ITGA1: variants seen among roughly 807,000 people sequenced by gnomAD.
The protein encoded by ITGA1 is integrin alpha-1.
A neutral mutation model predicts 145.9 loss-of-function variants in ITGA1; 85 were observed. The ratio of observed to expected loss-of-function variants is 0.58; its 90% CI spans 0.49 to 0.70. The LOEUF (loss-of-function observed/expected upper bound fraction) is 0.70. Among genes scored for constraint, ITGA1 ranks in the 30% least tolerant of loss-of-function variants. The pLI, the probability that ITGA1 is intolerant of heterozygous loss-of-function variation, is 0.00. For missense variants in ITGA1, 1,351 were observed against 1,418.7 expected, an observed-to-expected ratio of 0.95 and a Z score of 0.77; for synonymous variants, 520 against 495.3, an observed-to-expected ratio of 1.05 and a Z score of -0.66.
At chr5:52,950,997 T>C (rs192416722) in intron 28 of ITGA1, among the ~76,000 whole-genome samples, 201 of 152,272 alleles carry the variant, frequency 1.3e-3, no homozygotes, top group Non-Finnish European at 2.4e-3. Flanking sequence ...GAAAAACTTA[T>C]TGTTTTCATG....
At position 52,791,260 on chromosome 5, in the gene ITGA1, G is replaced by C. The variant is rs142829772; in HGVS notation, c.61+2846G>C. Among the ~76,000 whole-genome samples the C allele has an allele frequency of 5.3e-3, 805 of 152,272 alleles. 7 individuals are homozygous for C. Among genetic ancestry groups the C allele is most frequent in the African/African-American group, 0.018 (757 of 41,564 alleles). Reference sequence around the variant, plus strand: ...GAGAGGCCTTAAAGGAACAAGAAAAGAGGGTGGAGCATCTAGCGCAAGCAA... The same window carrying C: ...GAGAGGCCTTAAAGGAACAAGAAAACAGGGTGGAGCATCTAGCGCAAGCAA... On this transcript the variant is annotated intron_variant, in intron 1 of 28. Coordinates refer to ENST00000282588, the MANE Select transcript of ITGA1 (RefSeq NM_181501.2).
At chr5:52,819,762 A>G (rs1417939949) in intron 1 of ITGA1, among the ~76,000 whole-genome samples, 9 of 152,162 alleles carry the variant, frequency 5.9e-5, no homozygotes, top group Non-Finnish European at 1.2e-4. Flanking sequence ...GTTTTCTTCT[A>G]GGGTTTTTAT....
intron 15 of ITGA1, 23 bp downstream of exon 15, chr5:52,915,617 G>A (rs1371468150): frequency 6.2e-7 from 1 of 1,612,232 alleles, no homozygotes. Context: ...ATAACATCCT[G>A]TTAATCTGAG....
chr5:52,866,409 T>C (rs1263397463), intron 6 of ITGA1, among the ~76,000 whole-genome samples: 2 of 152,220 alleles, frequency 1.3e-5, no homozygotes, highest in Non-Finnish European at 2.9e-5. Context: ...TATAAACTCA[T>C]AGTTTAATTT....
At chr5:52,825,784 G>A (rs1748951122) in intron 1 of ITGA1, among the ~76,000 whole-genome samples, 1 of 152,118 alleles carries the variant, frequency 6.6e-6, no homozygotes, top group Non-Finnish European at 1.5e-5. Context: ...TGGGCGTGGT[G>A]GCGCCTGCCT....
At position 52,909,042 on chromosome 5, in the gene ITGA1, G is replaced by A. The variant is rs200205756; in HGVS notation, c.1599+1G>A. On this transcript the variant is annotated splice_donor_variant, in intron 13 of 28. Coordinates refer to ENST00000282588, the MANE Select transcript of ITGA1 (RefSeq NM_181501.2). LOFTEE classifies it high-confidence loss of function. ...AGTGTATGTGTATGCTCTCAATCAG[G>A]TAATGGTGTCTGAGTTTGGTAGAAA... is the stretch of plus-strand genomic sequence containing the variant. The A allele has an allele frequency of 1.6e-4, 250 of 1,608,380 alleles. No individual in the cohort carries two copies. The highest frequency in any genetic ancestry group is 2.1e-4 in the Non-Finnish European group (243 of 1,178,394).
chr5:52,871,954 C>A (rs1157433268), intron 6 of ITGA1, among the ~76,000 whole-genome samples: 1 of 152,076 alleles, frequency 6.6e-6, no homozygotes. Context: ...TCCTCAATAC[C>A]TAAACATAAC....
chr5:52,920,305 A>T (rs1750711817), intron 16 of ITGA1, 27 bp from the exon 17 acceptor site: 1 of 1,535,166 alleles, frequency 6.5e-7, no homozygotes, highest in Admixed American at 2.0e-5. Flanking sequence ...AAACATTTCC[A>T]TCAATTATTT....
rs79908377 is a variant in ITGA1 at position 52,878,136 on chromosome 5, G to A, written c.625-3737G>A. Among the ~76,000 whole-genome samples the A allele has an allele frequency of 4.5e-3, 683 of 152,282 alleles. 12 individuals are homozygous for A. In the East Asian group the frequency reaches 0.056, roughly 13 times the overall value. The stretch of plus-strand genomic sequence containing the variant: ...ATTGCCTGTGGATCAGGGTGATGGG[G>A]AGCTGAGGAGGACGGGGGACTCCCA... On this transcript the variant is annotated intron_variant, in intron 6 of 28. Coordinates refer to ENST00000282588, the MANE Select transcript of ITGA1 (RefSeq NM_181501.2).
intron 12 of ITGA1, among the ~76,000 whole-genome samples, chr5:52,908,040 G>T (rs1750438929): frequency 6.6e-6 from 1 of 152,188 alleles, no homozygotes; most frequent in Non-Finnish European, 1.5e-5. Context: ...AAGAAGGATT[G>T]GTCATCTAGG....
chr5:52,916,150 T>C (rs868837712), intron 15 of ITGA1, among the ~76,000 whole-genome samples: 6 of 152,306 alleles, frequency 3.9e-5, no homozygotes, highest in African/African-American at 1.4e-4. Context: ...AATAATAATT[T>C]AGTAGGCAAA....
At chr5:52,868,163 C>G (rs780955672) in intron 6 of ITGA1, among the ~76,000 whole-genome samples, 40 of 152,084 alleles carry the variant, frequency 2.6e-4, no homozygotes, top group Non-Finnish European at 1.3e-4. Context: ...TAATAACATG[C>G]TTGAAATATT....
chr5:52,940,166 T>G (rs779371255), intron 26 of ITGA1, among the ~76,000 whole-genome samples: 1 of 152,170 alleles, frequency 6.6e-6, no homozygotes, highest in Non-Finnish European at 1.5e-5. Context: ...TGGAGAGATA[T>G]ACTTTTTTCA....
rs373306832 is a variant in ITGA1, at chr5:52,850,002, A to ATTT, written c.182+531_182+533dup. 5.3e-3 allele frequency among the ~76,000 whole-genome samples: 746 copies of ATTT among 140,448 alleles called. 10 individuals are homozygous for ATTT. The highest frequency in any genetic ancestry group is 0.016 in the African/African-American group (616 of 37,580). 92.1% of individuals were successfully genotyped at this position (140,448 alleles called of 152,430 possible). On this transcript the variant is annotated intron_variant, in intron 2 of 28. Coordinates refer to ENST00000282588, the MANE Select transcript of ITGA1 (RefSeq NM_181501.2). The stretch of plus-strand genomic sequence containing the variant: ...ATTGGTTAAGTTCATTGTAGATAGG[A>ATTT]TTTTTTTTTTTTTTTTCTGAGATGG...
intron 26 of ITGA1, among the ~76,000 whole-genome samples, chr5:52,943,385 A>G (rs11745309): frequency 0.43 from 65,112 of 152,068 alleles, 15,956 homozygotes; most frequent in Non-Finnish European, 0.55. Flanking sequence ...GTCTCTGTAC[A>G]GGATCTTTAT....
chr5:52,811,084 A>G (rs1748677441), intron 1 of ITGA1, among the ~76,000 whole-genome samples: 1 of 152,242 alleles, frequency 6.6e-6, no homozygotes, highest in South Asian at 2.1e-4. Flanking sequence ...AAATTACAAA[A>G]TAATTCAACG....
At chr5:52,917,873 G>T (rs1376802267) in intron 15 of ITGA1, among the ~76,000 whole-genome samples, 1 of 152,090 alleles carries the variant, frequency 6.6e-6, no homozygotes, top group Non-Finnish European at 1.5e-5. Flanking sequence ...ACAGAAAAAA[G>T]AAAACCACCT....
intron 2 of ITGA1, among the ~76,000 whole-genome samples, chr5:52,859,671 A>G (rs935664215): frequency 1.3e-5 from 2 of 152,228 alleles, no homozygotes; most frequent in Admixed American, 6.5e-5. Context: ...TTGTACTTCA[A>G]TGCAACTTCT....
intron 14 of ITGA1, among the ~76,000 whole-genome samples, chr5:52,912,014 A>ATATATACTATATATAGTG (rs1750557574): frequency 1.4e-5 from 2 of 138,044 alleles, no homozygotes; most frequent in Non-Finnish European, 3.1e-5. Flanking sequence ...TATATATACT[A>ATATATACTATATATAGTG]TATGTATAGT....
Sources: gnomAD v4.1 joint callset for allele counts (sites outside exome capture counted in the v4.1 genomes callset) on GRCh38, gnomAD v4.1.1 for gene constraint, MANE v1.5 for transcripts, NCBI Gene and HGNC (gene_info 2026-07-23, HGNC 2026-07-21) for gene names.